PTPRD: variants seen among roughly 807,000 people sequenced by gnomAD.
PTPRD encodes receptor-type tyrosine-protein phosphatase delta.
In PTPRD, 34 loss-of-function variants were observed where a neutral mutation model predicts 214.5. The observed-to-expected ratio is 0.16, with a 90% CI of 0.12 to 0.21. PTPRD has a LOEUF of 0.21. Among genes scored for constraint, PTPRD ranks in the 10% least tolerant of loss-of-function variants. PTPRD has a pLI of 1.00. For missense variants in PTPRD, 2,545 were observed against 2,398.7 expected (o/e 1.06, Z -1.27); for synonymous variants, 1,128 against 845.7 (o/e 1.33, Z -5.79).
intron 3 of PTPRD, among the ~76,000 whole-genome samples, chr9:10,316,119 A>G (rs2096415797): frequency 6.7e-6 from 1 of 148,554 alleles, no homozygotes; most frequent in South Asian, 2.1e-4. Context: ...GTGTCTATAT[A>G]TATATATATA....
rs565365199 is a variant in PTPRD, at chr9:8,833,535, T to C, written c.-103-99589A>G. ...GTAACATAATTTCCAATTTTCTTTTTTTCATTTTTTTTTCTCACTTGTTAG... is the reference window on the plus strand; with the variant it reads ...GTAACATAATTTCCAATTTTCTTTTCTTCATTTTTTTTTCTCACTTGTTAG... On this transcript the variant is annotated intron_variant, in intron 11 of 45. Coordinates refer to ENST00000381196, the MANE Select transcript of PTPRD (RefSeq NM_002839.4). Among the ~76,000 whole-genome samples, 14 of 115,564 alleles carry C rather than the reference T, an allele frequency of 1.2e-4. No individual in the cohort carries two copies. The East Asian group carries it at 2.7e-3, about 22-fold the overall frequency. The allele number at this position is 115,564 out of a possible 152,430, so 75.8% of individuals were successfully genotyped here.
intron 2 of PTPRD, among the ~76,000 whole-genome samples, chr9:10,574,962 C>G (rs1214824766): frequency 6.6e-6 from 1 of 151,576 alleles, no homozygotes; most frequent in Non-Finnish European, 1.5e-5. Context: ...ACAGGAACTA[C>G]AGAAAAGTGC....
intron 3 of PTPRD, among the ~76,000 whole-genome samples, chr9:10,115,161 T>G (rs1278090610): frequency 6.6e-6 from 1 of 152,014 alleles, no homozygotes; most frequent in Non-Finnish European, 1.5e-5. Context: ...AGACACACAC[T>G]ATATTCCTTT....
chr9:9,257,402 C>T (rs2131912886), intron 9 of PTPRD, among the ~76,000 whole-genome samples: 1 of 152,028 alleles, frequency 6.6e-6, no homozygotes, highest in East Asian at 2.0e-4. Context: ...CATGTCCCAA[C>T]CCCAAGCTCT....
intron 2 of PTPRD, among the ~76,000 whole-genome samples, chr9:10,492,451 C>G (rs2040621530): frequency 6.6e-6 from 1 of 152,170 alleles, no homozygotes; most frequent in African/African-American, 2.4e-5. Flanking sequence ...ATTTGCATCT[C>G]TCTGGTGACC....
intron 7 of PTPRD, among the ~76,000 whole-genome samples, chr9:9,626,940 T>G (rs2095441253): frequency 6.6e-6 from 1 of 152,178 alleles, no homozygotes; most frequent in Non-Finnish European, 1.5e-5. Flanking sequence ...CATGAAGTAT[T>G]AATTTAATAT....
intron 8 of PTPRD, among the ~76,000 whole-genome samples, chr9:9,479,731 AAAAAC>A (rs60632035): frequency 1.4e-3 from 204 of 150,124 alleles, no homozygotes; most frequent in African/African-American, 4.1e-3. Context: ...CAGCAAAAAC[AAAAAC>A]AAAACAAAAC....
intron 2 of PTPRD, among the ~76,000 whole-genome samples, chr9:10,502,245 A>G (rs2044010447): frequency 6.6e-6 from 1 of 151,862 alleles, no homozygotes; most frequent in African/African-American, 2.4e-5. Flanking sequence ...ATGGCCAGAA[A>G]ATTAAAAGGA....
chr9:9,919,112 C>T (rs537065358), intron 5 of PTPRD, among the ~76,000 whole-genome samples: 1 of 151,960 alleles, frequency 6.6e-6, no homozygotes, highest in Non-Finnish European at 1.5e-5. Context: ...AAATGAATGA[C>T]AATATTTGAT....
At chr9:9,692,257 G>T (rs34263891) in intron 7 of PTPRD, among the ~76,000 whole-genome samples, 93,296 of 151,384 alleles carry the variant, frequency 0.62, 29,091 homozygotes, top group South Asian at 0.66. Flanking sequence ...CATAGTTTGA[G>T]GTCTTAGATT....
rs1452062272 is a variant in PTPRD at position 9,690,211 on chromosome 9, T to G, written c.-287+44322A>C. 2.0e-5 allele frequency among the ~76,000 whole-genome samples: 3 copies of G among 151,886 alleles called. No individual in the cohort carries two copies. In the East Asian group the frequency reaches 5.8e-4, roughly 29 times the overall value. ...AGTGGAGTGAAATATCTGACTGTAG[T>G]TTTGATTTGTATTTCTCTGATGATC... is the stretch of plus-strand genomic sequence containing the variant. On this transcript the variant is annotated intron_variant, in intron 7 of 45. Transcript: ENST00000381196.
At chr9:8,606,872 G>A (rs1416437344) in intron 14 of PTPRD, among the ~76,000 whole-genome samples, 7 of 152,018 alleles carry the variant, frequency 4.6e-5, no homozygotes. Flanking sequence ...ATCTGTCACA[G>A]TTTTTTTTGT....
At chr9:9,553,846 C>T (rs947756820) in intron 8 of PTPRD, among the ~76,000 whole-genome samples, 9 of 152,006 alleles carry the variant, frequency 5.9e-5, no homozygotes, top group African/African-American at 9.7e-5. Flanking sequence ...CACATTCTCA[C>T]GTATCAGTTA....
At chr9:9,828,876 C>T (rs556268280) in intron 5 of PTPRD, among the ~76,000 whole-genome samples, 17 of 151,898 alleles carry the variant, frequency 1.1e-4, no homozygotes, top group Admixed American at 1.1e-3. Flanking sequence ...GTGCTCACTT[C>T]CATTTAACTC....
At chr9:8,763,776 T>C (rs1001393514) in intron 11 of PTPRD, among the ~76,000 whole-genome samples, 6 of 151,784 alleles carry the variant, frequency 4.0e-5, no homozygotes, top group East Asian at 1.9e-4. Flanking sequence ...CCCTCTCTTA[T>C]ATCAAATAAA....
chr9:10,284,377 G>T (rs925462659), intron 3 of PTPRD, among the ~76,000 whole-genome samples: 2 of 152,096 alleles, frequency 1.3e-5, no homozygotes, highest in Non-Finnish European at 2.9e-5. Flanking sequence ...TTAATGTTAG[G>T]ATCAACCTAT....
At chr9:10,567,538 A>G (rs940716253) in intron 2 of PTPRD, among the ~76,000 whole-genome samples, 5 of 152,146 alleles carry the variant, frequency 3.3e-5, no homozygotes, top group Non-Finnish European at 7.4e-5. Flanking sequence ...GTTGTATTAG[A>G]GTGGGTGCTT....
chr9:10,190,856 G>A (rs1438034070), intron 3 of PTPRD, among the ~76,000 whole-genome samples: 3 of 152,024 alleles, frequency 2.0e-5, no homozygotes, highest in Admixed American at 6.6e-5. Context: ...GTAATACACA[G>A]GGTATGGGGT....
chr9:9,346,865 G>T (rs1270190284), intron 9 of PTPRD, among the ~76,000 whole-genome samples: 1 of 151,922 alleles, frequency 6.6e-6, no homozygotes, highest in Non-Finnish European at 1.5e-5. Flanking sequence ...GCTAATTCTT[G>T]TATTTTCAGT....
Sources: allele counts gnomAD v4.1 joint callset (sites outside exome capture counted in the v4.1 genomes callset), GRCh38; gene constraint gnomAD v4.1.1; transcripts MANE v1.5; gene names NCBI Gene and HGNC (gene_info 2026-07-23, HGNC 2026-07-21).